The following CHAT variants were observed in gnomAD, a reference collection of about 807,000 sequenced individuals.
The protein encoded by CHAT is acetyl CoA:choline O-acetyltransferase.
CHAT carries 61 observed loss-of-function variants against 76.9 expected under a neutral mutation model. That is an observed-to-expected ratio of 0.79 (90% confidence interval 0.65 to 0.98). The LOEUF (loss-of-function observed/expected upper bound fraction) is 0.98. Ranked by LOEUF, CHAT falls within the 50% of genes least tolerant of loss-of-function variation. The pLI is 0.00. For missense variants in CHAT, 946 were observed against 986.9 expected (o/e 0.96, Z 0.56); for synonymous variants, 407 against 397.4 (o/e 1.02, Z -0.29).
chr10:49,661,309 C>G (rs913106599), intron 13 of CHAT: 1 of 152,206 alleles, frequency 6.6e-6, no homozygotes, highest in African/African-American at 2.4e-5. Flanking sequence ...GAAGCTGCTT[C>G]TATGGACCAA....
intron 7 of CHAT, among the ~76,000 whole-genome samples, chr10:49,644,718 G>A (rs1917816): frequency 0.97 from 147,342 of 152,294 alleles, 71,504 homozygotes; most frequent in Middle Eastern, 1. Flanking sequence ...AAAAAGTGAG[G>A]GAAAGGGGAT....
At chr10:49,614,566 CGAGA>C in intron 1 of CHAT, 91 bp downstream of exon 1, 4 of 1,065,118 alleles carry the variant, frequency 3.8e-6, no homozygotes, top group Non-Finnish European at 5.4e-6. Flanking sequence ...GCACCGGGGC[CGAGA>C]GGCCCCAGGA....
upstream of CHAT, chr10:49,610,779 G>A (rs755134161): frequency 6.4e-6 from 10 of 1,567,916 alleles, no homozygotes; most frequent in African/African-American, 1.4e-5. Flanking sequence ...CCCGGGCGGC[G>A]GCCACCAAGC....
chr10:49,628,684 C>T (rs1049291923), intron 7 of CHAT, among the ~76,000 whole-genome samples: 8 of 152,190 alleles, frequency 5.3e-5, no homozygotes, highest in African/African-American at 1.7e-4. Flanking sequence ...AGAGAGGGGA[C>T]GGAGCCCTTC....
At chr10:49,641,671 C>T (rs1839485720) in intron 7 of CHAT, among the ~76,000 whole-genome samples, 1 of 152,076 alleles carries the variant, frequency 6.6e-6, no homozygotes. Context: ...AGGAAAGATG[C>T]TGAGATAGGA....
At chr10:49,644,778 T>G (rs1252017576) in intron 7 of CHAT, among the ~76,000 whole-genome samples, 1 of 152,208 alleles carries the variant, frequency 6.6e-6, no homozygotes, top group African/African-American at 2.4e-5. Context: ...TGGACACTCC[T>G]TGTGAACCTG....
upstream of CHAT, among the ~76,000 whole-genome samples, chr10:49,613,396 GGAAA>G (rs1400814597): frequency 1.3e-5 from 2 of 152,192 alleles, no homozygotes; most frequent in Non-Finnish European, 2.9e-5. Flanking sequence ...AGGACTGTCA[GGAAA>G]GTTTCCCATC....
At chr10:49,624,259 C>A (rs1838835911) in intron 5 of CHAT, among the ~76,000 whole-genome samples, 1 of 152,184 alleles carries the variant, frequency 6.6e-6, no homozygotes, top group Admixed American at 6.5e-5. Context: ...AAATTGATTA[C>A]TAGAAAAACG....
At chr10:49,655,314 C>T in intron 12 of CHAT, 72 bp from the exon 13 acceptor site, 1 of 1,612,974 alleles carries the variant, frequency 6.2e-7, no homozygotes, top group Non-Finnish European at 8.5e-7. Context: ...TGGGCTCGGC[C>T]CTCTGACCAC....
At chr10:49,621,500 G>C (rs918113535) in intron 4 of CHAT, among the ~76,000 whole-genome samples, 2 of 152,172 alleles carry the variant, frequency 1.3e-5, no homozygotes, top group African/African-American at 4.8e-5. Context: ...CCCGCTGCTC[G>C]TTTCTCCAGT....
Position 49,666,737 on chromosome 10 carries a change from C to T in CHAT, c.*1691C>T, listed in dbSNP as rs1840348366. 6.6e-6 allele frequency among the ~76,000 whole-genome samples: 1 copy of T among 152,216 alleles called. No homozygotes were observed. Among genetic ancestry groups the T allele is most frequent in the Admixed American group, 6.5e-5 (1 of 15,290 alleles). Reference sequence around the variant, plus strand: ...TGTCATGGGAGATTTGGGCACTACCCTTTGAACATACAAACTTAAGTCATT... The same window carrying T: ...TGTCATGGGAGATTTGGGCACTACCTTTTGAACATACAAACTTAAGTCATT... On this transcript the variant is annotated 3_prime_UTR_variant, in exon 15 of 15. Transcript: ENST00000337653.
chr10:49,612,598 C>T, upstream of CHAT: 1 of 496,344 alleles, frequency 2.0e-6, no homozygotes, highest in Non-Finnish European at 3.6e-6. Flanking sequence ...GAGTCCCCAC[C>T]TGCGGCTCCC....
chr10:49,631,342 G>C (rs753583018), intron 7 of CHAT, among the ~76,000 whole-genome samples: 5 of 152,194 alleles, frequency 3.3e-5, no homozygotes, highest in Non-Finnish European at 5.9e-5. Flanking sequence ...TCTTCATGTG[G>C]TCTTGCCTCT....
intron 13 of CHAT, among the ~76,000 whole-genome samples, chr10:49,660,492 T>C (rs1840160336): frequency 6.6e-6 from 1 of 150,626 alleles, no homozygotes; most frequent in Admixed American, 6.6e-5. Context: ...AAGAAGATTA[T>C]AGGTAAAACT....
intron 2 of CHAT, among the ~76,000 whole-genome samples, chr10:49,619,017 A>G (rs1036364577): frequency 6.6e-6 from 1 of 152,160 alleles, no homozygotes; most frequent in Non-Finnish European, 1.5e-5. Flanking sequence ...CACCCACATG[A>G]AACAAAATTC....
chr10:49,614,365 C>A lies in CHAT; in HGVS notation c.176C>A (p.Pro59His). 6.5e-7 allele frequency: 1 copy of A among 1,545,162 alleles called. No individual in the cohort carries two copies. Among genetic ancestry groups the A allele is most frequent in the Non-Finnish European group, 8.7e-7 (1 of 1,144,926 alleles). The change falls in exon 1 of 15, where the codon CCC (proline) becomes CAC (histidine). Residue 59 changes from proline (P) to histidine (H), a missense_variant. Physicochemically the swap from Pro to His is moderately conservative, Grantham distance 77. Coordinates refer to ENST00000337653, the MANE Select transcript of CHAT (RefSeq NM_020549.5). ...CCTGCCGGGAACCCAGGCTGCAGCC[C>A]CCACCCCCGCGCTGCGACACGCCCC... ...GGPAGNPGCS[P>H]HPRAATRPPP...
intron 10 of CHAT, among the ~76,000 whole-genome samples, chr10:49,650,903 G>T (rs1339699173): frequency 6.6e-6 from 1 of 152,114 alleles, no homozygotes; most frequent in African/African-American, 2.4e-5. Context: ...CTAAGTCAGG[G>T]GCCAAGGCAG....
At position 49,665,275 on chromosome 10, in the gene CHAT, A is replaced by G. The variant is rs540063337; in HGVS notation, c.*229A>G. ...GTGGCTTTGGGCCTGCACACTGGGA[A>G]ATGGGACCTGCCTGGCTCAGAGGCA... On this transcript the variant is annotated 3_prime_UTR_variant, in exon 15 of 15. Coordinates refer to ENST00000337653, the MANE Select transcript of CHAT (RefSeq NM_020549.5). Among the ~76,000 whole-genome samples the G allele has an allele frequency of 6.6e-6, 1 of 152,266 alleles. No homozygotes were observed. Among genetic ancestry groups the G allele is most frequent in the East Asian group, 1.9e-4 (1 of 5,172 alleles).
intron 8 of CHAT, 52 bp from the exon 9 acceptor site, chr10:49,648,455 C>T (rs1839752434): frequency 1.4e-6 from 2 of 1,444,596 alleles, no homozygotes; most frequent in Admixed American, 3.4e-5. Flanking sequence ...CAAGGGGCTG[C>T]CTTGCAATGC....
Sources: allele counts gnomAD v4.1 joint callset (sites outside exome capture counted in the v4.1 genomes callset), GRCh38; gene constraint gnomAD v4.1.1; transcripts MANE v1.5; gene names NCBI Gene and HGNC (gene_info 2026-07-23, HGNC 2026-07-21).